Variants in SEMA3A observed in about 807,000 individuals in gnomAD.
SEMA3A encodes the protein semaphorin-3A.
In SEMA3A, 29 loss-of-function variants were observed where a neutral mutation model predicts 97.9. The observed-to-expected ratio is 0.30, with a 90% CI of 0.22 to 0.40. The LOEUF (loss-of-function observed/expected upper bound fraction) is 0.40, where lower values mean the gene tolerates loss of function less well. Among genes scored for constraint, SEMA3A ranks in the 10% least tolerant of loss-of-function variants. The pLI, the probability that SEMA3A is intolerant of heterozygous loss-of-function variation, is 1.00. For missense variants in SEMA3A, 763 were observed against 951.3 expected, an observed-to-expected ratio of 0.80 and a Z score of 2.60; for synonymous variants, 321 against 323.7, an observed-to-expected ratio of 0.99 and a Z score of 0.09.
At chr7:84,356,307 T>C (rs1397080932) in intron 2 of SEMA3A, among the ~76,000 whole-genome samples, 14 of 151,728 alleles carry the variant, frequency 9.2e-5, no homozygotes, top group Admixed American at 2.6e-4. Flanking sequence ...AGCTAATTAT[T>C]TATTATAACT....
intron 3 of SEMA3A, among the ~76,000 whole-genome samples, chr7:84,209,162 T>G (rs946935068): frequency 1.3e-5 from 2 of 152,204 alleles, no homozygotes; most frequent in Non-Finnish European, 2.9e-5. Flanking sequence ...GGAATGAAAC[T>G]ACAAAGTAGA....
chr7:84,193,334 T>C (rs978866210), intron 1 of SEMA3A, among the ~76,000 whole-genome samples: 4 of 151,994 alleles, frequency 2.6e-5, no homozygotes, highest in African/African-American at 9.7e-5. Flanking sequence ...AATTAAAGAA[T>C]ATGTTTTGTG....
intron 4 of SEMA3A, among the ~76,000 whole-genome samples, chr7:84,089,768 T>G (rs1794505456): frequency 6.6e-6 from 1 of 151,994 alleles, no homozygotes; most frequent in African/African-American, 2.4e-5. Context: ...GATATACAAC[T>G]TATAGACATG....
At chr7:84,444,662 C>T (rs1236635600) in intron 1 of SEMA3A, among the ~76,000 whole-genome samples, 21 of 151,256 alleles carry the variant, frequency 1.4e-4, no homozygotes, top group African/African-American at 7.3e-5. Context: ...CCCGGCTTCA[C>T]GCCATTCTCC....
At chr7:84,108,199 T>C (rs2115929963) in intron 4 of SEMA3A, among the ~76,000 whole-genome samples, 1 of 152,268 alleles carries the variant, frequency 6.6e-6, no homozygotes, top group East Asian at 1.9e-4. Context: ...AATTTCTAGC[T>C]TAGAAACTTA....
At chr7:84,201,853 C>A (rs1798366603) in intron 3 of SEMA3A, among the ~76,000 whole-genome samples, 1 of 151,952 alleles carries the variant, frequency 6.6e-6, no homozygotes. Flanking sequence ...TGTGAGTATT[C>A]CCTTGGTTGA....
At chr7:84,366,307 T>C (rs1204288048) in intron 2 of SEMA3A, among the ~76,000 whole-genome samples, 1 of 151,312 alleles carries the variant, frequency 6.6e-6, no homozygotes, top group African/African-American at 2.4e-5. Context: ...GCCCACGAAA[T>C]ACATTTTCAA....
chr7:84,203,777 C>A (rs565137609), intron 3 of SEMA3A, among the ~76,000 whole-genome samples: 1 of 151,656 alleles, frequency 6.6e-6, no homozygotes, highest in Admixed American at 6.6e-5. Flanking sequence ...GTGATCCAAC[C>A]GCCCCAGCCT....
intron 1 of SEMA3A, among the ~76,000 whole-genome samples, chr7:84,159,188 T>C (rs1161796255): frequency 6.6e-5 from 10 of 152,194 alleles, no homozygotes; most frequent in Non-Finnish European, 2.9e-5. Context: ...TATCTGCCAC[T>C]GTACATAGTA....
At chr7:84,028,234 A>T (rs1027248456) in intron 6 of SEMA3A, among the ~76,000 whole-genome samples, 5 of 152,208 alleles carry the variant, frequency 3.3e-5, no homozygotes, top group Non-Finnish European at 5.9e-5. Flanking sequence ...AATTTTTCAT[A>T]TCAAAATATT....
chr7:84,352,524 C>T (rs1802463638), intron 2 of SEMA3A, among the ~76,000 whole-genome samples: 3 of 151,276 alleles, frequency 2.0e-5, no homozygotes, highest in Admixed American at 2.0e-4. Context: ...ACTATGTACC[C>T]ATAAAAATAA....
intron 3 of SEMA3A, among the ~76,000 whole-genome samples, chr7:84,235,014 A>C (rs904963509): frequency 6.6e-6 from 1 of 152,072 alleles, no homozygotes; most frequent in Admixed American, 6.6e-5. Context: ...TTTTACATCA[A>C]CTTGTCTAGA....
intron 1 of SEMA3A, among the ~76,000 whole-genome samples, chr7:84,487,802 T>TA (rs991986588): frequency 5.3e-5 from 8 of 151,864 alleles, no homozygotes; most frequent in South Asian, 2.1e-4. Flanking sequence ...TTTTTCTCTT[T>TA]AAAAAAAACA....
At chr7:84,435,559 G>A (rs1805105530) in intron 1 of SEMA3A, among the ~76,000 whole-genome samples, 1 of 152,216 alleles carries the variant, frequency 6.6e-6, no homozygotes, top group Non-Finnish European at 1.5e-5. Context: ...AGTGAGCCAA[G>A]ATCGGGCCAA....
chr7:84,287,041 T>C (rs1323587096), intron 3 of SEMA3A, among the ~76,000 whole-genome samples: 2 of 152,126 alleles, frequency 1.3e-5, no homozygotes, highest in Non-Finnish European at 2.9e-5. Flanking sequence ...CTCACTATGC[T>C]TCATATCATA....
intron 1 of SEMA3A, among the ~76,000 whole-genome samples, chr7:84,413,382 C>T (rs1303166726): frequency 1.3e-5 from 2 of 152,112 alleles, no homozygotes; most frequent in Non-Finnish European, 2.9e-5. Flanking sequence ...AATCTCAGCA[C>T]TTTAGGAGGC....
At chr7:84,157,147 G>T (rs1796868924) in intron 1 of SEMA3A, among the ~76,000 whole-genome samples, 1 of 152,136 alleles carries the variant, frequency 6.6e-6, no homozygotes, top group South Asian at 2.1e-4. Flanking sequence ...GGCAGTAAAA[G>T]AAATACTGAT....
At chr7:84,101,938 C>T (rs756819349) in intron 4 of SEMA3A, among the ~76,000 whole-genome samples, 30 of 151,636 alleles carry the variant, frequency 2.0e-4, no homozygotes, top group Non-Finnish European at 3.2e-4. Context: ...ATATTGATTA[C>T]ATATTTAAAT....
Position 83,958,466 on chromosome 7 carries a change from A to C in SEMA3A, c.*2905T>G, listed in dbSNP as rs1302014168. On this transcript the variant is annotated 3_prime_UTR_variant, in exon 17 of 17. Coordinates refer to ENST00000265362, the MANE Select transcript of SEMA3A (RefSeq NM_006080.3). ...CCCATCTGAAATGCAATGATAAGTAAAGATATGGAACATATTTCCTACCTG... is the reference window on the plus strand; with the variant it reads ...CCCATCTGAAATGCAATGATAAGTACAGATATGGAACATATTTCCTACCTG... 6.6e-6 allele frequency: 1 copy of C among 152,476 alleles called. No individual in the cohort carries two copies. The highest frequency in any genetic ancestry group is 1.5e-5 in the Non-Finnish European group (1 of 67,954). The allele number at this position is 152,476 out of a possible 1,614,324, so 9.4% of individuals were successfully genotyped here. A position where few individuals can be genotyped will look rare whatever the true frequency, so the allele number is the denominator to read the frequency against.
Sources: allele counts gnomAD v4.1 joint callset (sites outside exome capture counted in the v4.1 genomes callset), GRCh38; gene constraint gnomAD v4.1.1; transcripts MANE v1.5; gene names NCBI Gene and HGNC (gene_info 2026-07-23, HGNC 2026-07-21).